SYNE1: variants seen among roughly 807,000 people sequenced by gnomAD.
The protein encoded by SYNE1 is nesprin-1.
SYNE1 carries 616 observed loss-of-function variants against 1,111.0 expected under a neutral mutation model. The ratio of observed to expected loss-of-function variants is 0.55; its 90% CI spans 0.52 to 0.59. The LOEUF (loss-of-function observed/expected upper bound fraction) is 0.59. Ranked by LOEUF, SYNE1 falls within the 20% of genes least tolerant of loss-of-function variation. SYNE1 has a pLI of 0.00. For missense variants in SYNE1, 10,006 were observed against 10,417.0 expected, an observed-to-expected ratio of 0.96 and a Z score of 1.72; for synonymous variants, 3,855 against 3,825.8, an observed-to-expected ratio of 1.01 and a Z score of -0.28.
rs34322784 is a variant in SYNE1, at chr6:152,407,762, CTT to C, written c.6541-568_6541-567del. On this transcript the variant is annotated intron_variant, in intron 44 of 145. Coordinates refer to ENST00000367255, the MANE Select transcript of SYNE1 (RefSeq NM_182961.4). ...ATGTTAAAAAAAATAAAAGAATGTT[CTT>C]TTTTTTTTTTTTTTTGAGACGGAAT... Among the ~76,000 whole-genome samples, 161 of 123,952 alleles carry C rather than the reference CTT, an allele frequency of 1.3e-3. 3 individuals carry two copies. The highest frequency in any genetic ancestry group is 0.012 in the South Asian group (44 of 3,674). 81.3% of individuals were successfully genotyped at this position (123,952 alleles called of 152,430 possible). A position where few individuals can be genotyped will look rare whatever the true frequency, so the allele number is the denominator to read the frequency against.
intron 3 of SYNE1, among the ~76,000 whole-genome samples, chr6:152,621,583 CTT>C (rs558037006): frequency 6.9e-6 from 1 of 145,116 alleles, no homozygotes; most frequent in Admixed American, 6.9e-5. Flanking sequence ...TAAACCTTTG[CTT>C]TTTTTTTTTT....
intron 42 of SYNE1, among the ~76,000 whole-genome samples, chr6:152,410,032 A>G (rs1308677336): frequency 6.6e-6 from 1 of 152,192 alleles, no homozygotes; most frequent in African/African-American, 2.4e-5. Context: ...TCATCCAAAT[A>G]TATATATTTT....
At chr6:152,376,187 G>A (rs1303623146) in intron 58 of SYNE1, 194 bp downstream of exon 58, 2 of 588,358 alleles carry the variant, frequency 3.4e-6, no homozygotes, top group Non-Finnish European at 6.1e-6. Context: ...TGATGCTACC[G>A]CTGATCTGAC....
At chr6:152,233,661 A>G in intron 112 of SYNE1, 120 bp downstream of exon 112, 1 of 1,239,148 alleles carries the variant, frequency 8.1e-7, no homozygotes, top group East Asian at 2.5e-5. Context: ...CGGGAGAGAG[A>G]AGAGGCCAGG....
intron 94 of SYNE1, 95 bp from the exon 95 acceptor site, chr6:152,293,844 A>G: frequency 6.2e-7 from 1 of 1,607,632 alleles, no homozygotes; most frequent in Non-Finnish European, 8.5e-7. Flanking sequence ...CTGTGGCCCA[A>G]CATAGGGTAC....
intron 3 of SYNE1, among the ~76,000 whole-genome samples, chr6:152,544,025 A>C (rs2099290899): frequency 6.6e-6 from 1 of 152,258 alleles, no homozygotes; most frequent in African/African-American, 2.4e-5. Context: ...TTTATATGTC[A>C]TTATATTTAA....
intron 99 of SYNE1, 103 bp from the exon 100 acceptor site, chr6:152,268,268 G>A (rs2092895315): frequency 1.1e-6 from 1 of 901,114 alleles, no homozygotes; most frequent in Admixed American, 1.9e-5. Context: ...TCGGTAGTGA[G>A]CTTTTAAGTT....
intron 11 of SYNE1, among the ~76,000 whole-genome samples, chr6:152,494,289 C>A (rs1329469347): frequency 6.6e-6 from 1 of 152,162 alleles, no homozygotes; most frequent in Non-Finnish European, 1.5e-5. Flanking sequence ...TTTGTTGAAT[C>A]TCCCACAATT....
chr6:152,346,607 G>T (rs879872932), intron 73 of SYNE1, among the ~76,000 whole-genome samples: 1 of 151,106 alleles, frequency 6.6e-6, no homozygotes, highest in Non-Finnish European at 1.5e-5. Context: ...TCAGGAGATC[G>T]AAACCATCCT....
chr6:152,425,075 T>C (rs1037687199), intron 39 of SYNE1, among the ~76,000 whole-genome samples: 34 of 152,322 alleles, frequency 2.2e-4, no homozygotes, highest in African/African-American at 7.9e-4. Flanking sequence ...GGTACCATTT[T>C]TTTCCTATAC....
chr6:152,386,990 AAC>A (rs2097535468), intron 54 of SYNE1, 80 bp downstream of exon 54: 1 of 1,257,590 alleles, frequency 8.0e-7, no homozygotes, highest in Admixed American at 2.8e-5. Flanking sequence ...TGACCTTGGC[AAC>A]AGTCATTATA....
At position 152,520,388 on chromosome 6, in the gene SYNE1, G is replaced by A. The variant is rs897168658; in HGVS notation, c.309+71C>T. On this transcript the variant is annotated intron_variant, in intron 6 of 145. Transcript: ENST00000367255. ...CATCCTCCTATCTGACTACAGATAG[G>A]AGCCAATACTGAAAACATAAGTATG... The A allele has an allele frequency of 8.3e-6, 12 of 1,439,818 alleles. No homozygotes were observed. The East Asian group carries it at 1.6e-4, about 19-fold the overall frequency. 89.2% of individuals were successfully genotyped at this position (1,439,818 alleles called of 1,614,324 possible).
intron 2 of SYNE1, among the ~76,000 whole-genome samples, chr6:152,630,901 CCT>C (rs147018319): frequency 6.6e-6 from 1 of 151,592 alleles, no homozygotes; most frequent in Admixed American, 6.6e-5. Context: ...CTGTGCATGC[CCT>C]CTCTCTCTCT....
intron 75 of SYNE1, among the ~76,000 whole-genome samples, chr6:152,338,380 G>A (rs2096453992): frequency 1.3e-5 from 2 of 152,060 alleles, no homozygotes; most frequent in South Asian, 4.1e-4. Flanking sequence ...CCAGCACTTT[G>A]GTAGGCCAAG....
chr6:152,340,789 C>A (rs555415586), intron 74 of SYNE1, among the ~76,000 whole-genome samples: 2 of 152,176 alleles, frequency 1.3e-5, no homozygotes, highest in Non-Finnish European at 2.9e-5. Flanking sequence ...AGACTCCCTC[C>A]GAACATCACG....
chr6:152,442,194 C>T lies in SYNE1; in HGVS notation c.3889G>A (p.Ala1297Thr), dbSNP rs781769990. The change falls in exon 31 of 146, where the codon GCG (alanine) becomes ACG (threonine). Residue 1297 changes from alanine (A) to threonine (T), a missense_variant. Physicochemically the swap from Ala to Thr is moderately conservative, Grantham distance 58. Transcript: ENST00000367255. ...AKKRDVQQQIAQAQQGEGGLP... is the reference protein window; with the variant it reads ...AKKRDVQQQITQAQQGEGGLP... ...CCCCCTTCTCCCTGCTGCGCCTGCG[C>T]GATCTGCTGCTGCACATCTCTCTTC... 1.2e-5 allele frequency: 20 copies of T among 1,613,560 alleles called. No individual in the cohort carries two copies. Among genetic ancestry groups the T allele is most frequent in the Non-Finnish European group, 5.1e-6 (6 of 1,180,050 alleles).
At chr6:152,413,656 G>A in intron 41 of SYNE1, 125 bp from the exon 42 acceptor site, 1 of 951,450 alleles carries the variant, frequency 1.1e-6, no homozygotes, top group Admixed American at 2.4e-5. Flanking sequence ...TTTTAACACA[G>A]AAATTAAATT....
At chr6:152,406,094 G>C (rs2097895699) in intron 45 of SYNE1, among the ~76,000 whole-genome samples, 3 of 152,156 alleles carry the variant, frequency 2.0e-5, no homozygotes, top group Admixed American at 2.0e-4. Flanking sequence ...TATCTTAGGT[G>C]CTCATTAAAA....
At chr6:152,367,119 G>T in intron 62 of SYNE1, 99 bp downstream of exon 62, 1 of 1,426,406 alleles carries the variant, frequency 7.0e-7, no homozygotes, top group Non-Finnish European at 9.9e-7. Context: ...ATTTATCATG[G>T]AGAGAATGTG....
Sources: allele counts gnomAD v4.1 joint callset (sites outside exome capture counted in the v4.1 genomes callset), GRCh38; gene constraint gnomAD v4.1.1; transcripts MANE v1.5; gene names NCBI Gene and HGNC (gene_info 2026-07-23, HGNC 2026-07-21).